The following FER variants were observed in gnomAD, a reference collection of about 807,000 sequenced individuals.
FER encodes FER tyrosine kinase.
In FER, 63 loss-of-function variants were observed where a neutral mutation model predicts 111.0. The ratio of observed to expected loss-of-function variants is 0.57; its 90% CI spans 0.46 to 0.70. The LOEUF (loss-of-function observed/expected upper bound fraction) is 0.70, where lower values mean the gene tolerates loss of function less well. Ranked by LOEUF, FER falls within the 30% of genes least tolerant of loss-of-function variation. FER has a pLI of 0.00. For synonymous variants in FER, 327 were observed against 313.9 expected, an observed-to-expected ratio of 1.04 and a Z score of -0.44; for missense variants, 914 against 954.0, an observed-to-expected ratio of 0.96 and a Z score of 0.55.
intron 16 of FER, among the ~76,000 whole-genome samples, chr5:109,097,986 ATAAATT>A (rs1747743090): frequency 6.6e-6 from 1 of 151,856 alleles, no homozygotes; most frequent in East Asian, 1.9e-4. Flanking sequence ...TAAATTGGAA[ATAAATT>A]TAAAATTTAC....
rs1378918716 is a variant in FER at position 109,189,619 on chromosome 5, CT to C, written c.*2046del. On this transcript the variant is annotated 3_prime_UTR_variant, in exon 20 of 20. Coordinates refer to ENST00000281092, the MANE Select transcript of FER (RefSeq NM_005246.4). The stretch of plus-strand genomic sequence containing the variant: ...CTATGGTATTGAGGCACTTACCAAC[CT>C]TCAAAAGTAAGAGTAAAATGGGATA... The C allele has an allele frequency of 6.6e-6, 1 of 152,152 alleles. No homozygotes were observed. The highest frequency in any genetic ancestry group is 1.9e-4 in the East Asian group (1 of 5,200). The allele number at this position is 152,152 out of a possible 1,614,324, so 9.4% of individuals were successfully genotyped here. A position where few individuals can be genotyped will look rare whatever the true frequency, so the allele number is the denominator to read the frequency against.
chr5:108,959,945 GT>G (rs1758930935), intron 13 of FER, among the ~76,000 whole-genome samples: 1 of 152,072 alleles, frequency 6.6e-6, no homozygotes, highest in South Asian at 2.1e-4. Flanking sequence ...GTATGTGGAA[GT>G]TTTGTGTTTT....
At chr5:108,992,907 C>T (rs866284979) in intron 13 of FER, among the ~76,000 whole-genome samples, 8 of 149,864 alleles carry the variant, frequency 5.3e-5, no homozygotes, top group African/African-American at 9.9e-5. Flanking sequence ...GACGGGGCGG[C>T]GGGGCAGAGA....
At position 108,797,117 on chromosome 5, in the gene FER, T is replaced by G. The variant is rs1580590902; in HGVS notation, c.-59-1007T>G. Among the ~76,000 whole-genome samples, 3 of 152,124 alleles carry G rather than the reference T, an allele frequency of 2.0e-5. No homozygotes were observed. The South Asian group carries it at 6.2e-4, about 32-fold the overall frequency. Reference sequence around the variant, plus strand: ...GCCTGCCGGGACTGGGTCCTCCCTTTCAAGGCAGCGGGGTTTTTTTTGGCC... The same window carrying G: ...GCCTGCCGGGACTGGGTCCTCCCTTGCAAGGCAGCGGGGTTTTTTTTGGCC... On this transcript the variant is annotated intron_variant, in intron 2 of 19. Transcript: ENST00000281092.
chr5:109,012,831 C>T (rs1766473245), intron 13 of FER, among the ~76,000 whole-genome samples: 1 of 152,020 alleles, frequency 6.6e-6, no homozygotes, highest in African/African-American at 2.4e-5. Flanking sequence ...TACTGGAAAA[C>T]TCTATGACAA....
chr5:108,871,639 T>A, intron 7 of FER, 137 bp downstream of exon 7: 1 of 597,994 alleles, frequency 1.7e-6, no homozygotes, highest in Non-Finnish European at 2.6e-6. Context: ...TTTATCTGCT[T>A]TTAATTTTAA....
chr5:108,763,083 G>T (rs1182984615), intron 1 of FER, among the ~76,000 whole-genome samples: 1 of 151,906 alleles, frequency 6.6e-6, no homozygotes, highest in Non-Finnish European at 1.5e-5. Flanking sequence ...TTTACCTGTT[G>T]TATAGGAAAA....
intron 16 of FER, among the ~76,000 whole-genome samples, chr5:109,058,549 C>T (rs898386772): frequency 9.2e-5 from 14 of 151,458 alleles, no homozygotes; most frequent in African/African-American, 3.4e-4. Flanking sequence ...TTATGGTTGA[C>T]CAGTTATGTT....
In FER at chr5:108,920,593, G is replaced by C. The variant is rs145197969; in HGVS notation, c.1236+22745G>C. Among the ~76,000 whole-genome samples, 698 of 152,156 alleles carry C rather than the reference G, an allele frequency of 4.6e-3. 2 individuals carry two copies. The highest frequency in any genetic ancestry group is 0.016 in the African/African-American group (666 of 41,534). On this transcript the variant is annotated intron_variant, in intron 10 of 19. Transcript: ENST00000281092. ...TTGTGTTCACTTTCTTCCAAATCCT[G>C]TTAGCAAGTTGTCTTGATATTACCT...
intron 13 of FER, among the ~76,000 whole-genome samples, chr5:108,982,966 G>A (rs895261065): frequency 1.8e-4 from 28 of 151,808 alleles, no homozygotes; most frequent in Admixed American, 4.6e-4. Context: ...TATGTTAACC[G>A]TTTCTGTTAT....
At chr5:109,088,883 G>C (rs1460346657) in intron 16 of FER, among the ~76,000 whole-genome samples, 1 of 152,074 alleles carries the variant, frequency 6.6e-6, no homozygotes, top group African/African-American at 2.4e-5. Context: ...GCCTCTTATA[G>C]AGAAAACTAT....
intron 9 of FER, among the ~76,000 whole-genome samples, chr5:108,887,197 T>G (rs1053728250): frequency 6.6e-6 from 1 of 151,744 alleles, no homozygotes; most frequent in Non-Finnish European, 1.5e-5. Context: ...CTTAAATTAT[T>G]TTTAAATTAA....
chr5:108,950,151 G>A (rs192699404), intron 11 of FER, among the ~76,000 whole-genome samples: 50 of 152,200 alleles, frequency 3.3e-4, no homozygotes, highest in African/African-American at 1.0e-3. Context: ...GTACAAAAAG[G>A]CCAGGAAATG....
rs1758221216 is a variant in FER at position 108,815,913 on chromosome 5, C to T, written c.208-16857C>T. Among the ~76,000 whole-genome samples, 6 of 152,108 alleles carry T rather than the reference C, an allele frequency of 3.9e-5. No homozygotes were observed. The South Asian group carries it at 1.2e-3, about 32-fold the overall frequency. On this transcript the variant is annotated intron_variant, in intron 3 of 19. Transcript: ENST00000281092. ...TGGCTATAGAGCCACTTCTGCTATA[C>T]CACCGGATTTGAAAACATTGAAATC...
At chr5:108,754,823 C>G (rs916850082) in intron 1 of FER, among the ~76,000 whole-genome samples, 1 of 152,134 alleles carries the variant, frequency 6.6e-6, no homozygotes, top group African/African-American at 2.4e-5. Context: ...TTTCTAGGCA[C>G]TTAGAATGTA....
At chr5:108,750,660 A>C (rs1399528048) in intron 1 of FER, among the ~76,000 whole-genome samples, 1 of 152,266 alleles carries the variant, frequency 6.6e-6, no homozygotes, top group African/African-American at 2.4e-5. Context: ...AAATAATTCA[A>C]GCTTTGGTAG....
rs149559710 is a variant in FER at position 109,128,046 on chromosome 5, A to C, written c.2048+27527A>C. Among the ~76,000 whole-genome samples the C allele has an allele frequency of 1.9e-3, 287 of 152,304 alleles. 1 individual carries two copies. The highest frequency in any genetic ancestry group is 6.6e-3 in the African/African-American group (275 of 41,572). Reference sequence around the variant, plus strand: ...TTGAAAACCGTTAATCAGAAATTTTATAAGTCTTTGATTTAGCGTTTAAAT... The same window carrying C: ...TTGAAAACCGTTAATCAGAAATTTTCTAAGTCTTTGATTTAGCGTTTAAAT... On this transcript the variant is annotated intron_variant, in intron 17 of 19. Transcript: ENST00000281092.
chr5:108,992,336 T>A (rs545468612), intron 13 of FER, among the ~76,000 whole-genome samples: 2 of 152,336 alleles, frequency 1.3e-5, no homozygotes, highest in East Asian at 3.9e-4. Context: ...TTACCCCCTT[T>A]CTATTCTACA....
At chr5:108,826,511 C>A (rs1175884212) in intron 3 of FER, among the ~76,000 whole-genome samples, 1 of 152,212 alleles carries the variant, frequency 6.6e-6, no homozygotes. Flanking sequence ...CCTCAACCTC[C>A]CAAAGTGCTG....
Sources: allele counts gnomAD v4.1 joint callset (sites outside exome capture counted in the v4.1 genomes callset), GRCh38; gene constraint gnomAD v4.1.1; transcripts MANE v1.5; gene names NCBI Gene and HGNC (gene_info 2026-07-23, HGNC 2026-07-21).